PAFAH1B1: variants seen among roughly 807,000 people sequenced by gnomAD.
PAFAH1B1 encodes platelet activating factor acetylhydrolase 1b regulatory subunit 1, also known as platelet-activating factor acetylhydrolase IB subunit beta.
PAFAH1B1 carries 2 observed loss-of-function variants against 57.5 expected under a neutral mutation model. The ratio of observed to expected loss-of-function variants is 0.03; its 90% confidence interval spans 0.01 to 0.11. The LOEUF is 0.11. PAFAH1B1 is among the 10% of genes least tolerant of loss of function. The pLI is 1.00. For synonymous variants in PAFAH1B1, 152 were observed against 169.6 expected (o/e 0.90, Z 0.81); for missense variants, 257 against 512.0 (o/e 0.50, Z 4.81).
intron 1 of PAFAH1B1, among the ~76,000 whole-genome samples, chr17:2,633,788 T>G (rs867092): frequency 1.3e-4 from 19 of 151,692 alleles, no homozygotes; most frequent in African/African-American, 4.6e-4. Flanking sequence ...TTGAAATACT[T>G]TCTTGGCTTT....
chr17:2,648,246 G>A (rs569041856), intron 2 of PAFAH1B1, among the ~76,000 whole-genome samples: 2 of 152,238 alleles, frequency 1.3e-5, no homozygotes, highest in South Asian at 4.2e-4. Flanking sequence ...CCATGATCCA[G>A]TTACCTTCCA....
At chr17:2,597,401 G>GTT (rs2068094998) in intron 1 of PAFAH1B1, among the ~76,000 whole-genome samples, 2 of 90,168 alleles carry the variant, frequency 2.2e-5, no homozygotes, top group Admixed American at 1.1e-4. Context: ...GAACATCCGT[G>GTT]TCTTTTTTTT....
At chr17:2,647,384 A>T (rs2068783214) in intron 2 of PAFAH1B1, among the ~76,000 whole-genome samples, 1 of 151,126 alleles carries the variant, frequency 6.6e-6, no homozygotes, top group Admixed American at 6.6e-5. Context: ...AAATACAAAA[A>T]TTAGCTGGGC....
chr17:2,626,810 C>T (rs1174674257), intron 1 of PAFAH1B1, among the ~76,000 whole-genome samples: 1 of 152,088 alleles, frequency 6.6e-6, no homozygotes, highest in Non-Finnish European at 1.5e-5. Flanking sequence ...GCATCGACCT[C>T]CCAGAGTGCT....
rs1373296714 is a variant in PAFAH1B1, at chr17:2,683,340, TAACAG to T, written c.*1543_*1547del. 6.6e-6 allele frequency: 1 copy of T among 152,160 alleles called. No individual in the cohort carries two copies. Among genetic ancestry groups the T allele is most frequent in the African/African-American group, 2.4e-5 (1 of 41,446 alleles). The allele number at this position is 152,160 out of a possible 1,614,324, so 9.4% of individuals were successfully genotyped here. On this transcript the variant is annotated 3_prime_UTR_variant, in exon 11 of 11. Coordinates refer to ENST00000397195, the MANE Select transcript of PAFAH1B1 (RefSeq NM_000430.4). ...TTTCCAAGAGAGTTATTTGAAAAGT[TAACAG>T]AACAATGAGATAACAGTGACAGTTT...
At chr17:2,652,235 C>T (rs949426517) in intron 2 of PAFAH1B1, among the ~76,000 whole-genome samples, 3 of 151,708 alleles carry the variant, frequency 2.0e-5, no homozygotes, top group Non-Finnish European at 4.4e-5. Flanking sequence ...ACGGTGAAAC[C>T]CCGTCTCTAC....
At chr17:2,650,086 A>G (rs1177763594) in intron 2 of PAFAH1B1, among the ~76,000 whole-genome samples, 1 of 152,258 alleles carries the variant, frequency 6.6e-6, no homozygotes, top group Non-Finnish European at 1.5e-5. Context: ...TTCTGTGTGA[A>G]GAAAGGCCTC....
At chr17:2,677,343 T>C (rs2069286376) in intron 9 of PAFAH1B1, among the ~76,000 whole-genome samples, 1 of 152,178 alleles carries the variant, frequency 6.6e-6, no homozygotes, top group South Asian at 2.1e-4. Context: ...TGTATTTCCA[T>C]AGAAAGATAT....
intron 2 of PAFAH1B1, among the ~76,000 whole-genome samples, chr17:2,646,853 C>T (rs1224794742): frequency 3.3e-5 from 5 of 152,162 alleles, no homozygotes; most frequent in African/African-American, 1.2e-4. Context: ...GGACCATTTG[C>T]TTCCCAGATT....
chr17:2,660,825 A>G (rs2069004367), intron 2 of PAFAH1B1, among the ~76,000 whole-genome samples: 1 of 152,202 alleles, frequency 6.6e-6, no homozygotes, highest in Non-Finnish European at 1.5e-5. Flanking sequence ...AGGAATCACC[A>G]CACTATCTTC....
rs187507722 is a variant in PAFAH1B1, at chr17:2,671,803, A to C, written c.569-852A>C. ...TTTTTAGTAGAAACAGGGTTTAACCATATTGGCCAGGCTGGTCTTGAACTC... is the reference window on the plus strand; with the variant it reads ...TTTTTAGTAGAAACAGGGTTTAACCCTATTGGCCAGGCTGGTCTTGAACTC... On this transcript the variant is annotated intron_variant, in intron 6 of 10. Coordinates refer to ENST00000397195, the MANE Select transcript of PAFAH1B1 (RefSeq NM_000430.4). Among the ~76,000 whole-genome samples the C allele has an allele frequency of 4.2e-3, 630 of 151,590 alleles. 2 individuals are homozygous for C. The highest frequency in any genetic ancestry group is 0.012 in the South Asian group (58 of 4,806).
At chr17:2,611,982 GT>G (rs2068272802) in intron 1 of PAFAH1B1, among the ~76,000 whole-genome samples, 1 of 152,124 alleles carries the variant, frequency 6.6e-6, no homozygotes, top group Non-Finnish European at 1.5e-5. Flanking sequence ...AAGTTCTGCT[GT>G]TTATGCTAGC....
intron 1 of PAFAH1B1, among the ~76,000 whole-genome samples, chr17:2,628,784 C>A (rs1238978159): frequency 6.6e-6 from 1 of 152,082 alleles, no homozygotes; most frequent in Non-Finnish European, 1.5e-5. Context: ...TTGGTCTGTT[C>A]AGCGTATCTA....
At chr17:2,608,930 TC>T (rs1305229582) in intron 1 of PAFAH1B1, among the ~76,000 whole-genome samples, 4 of 152,258 alleles carry the variant, frequency 2.6e-5, no homozygotes, top group African/African-American at 9.6e-5. Context: ...TCTGTTTTCT[TC>T]CGTCTCTTCA....
rs1184724986 is a variant in PAFAH1B1, at chr17:2,604,994, A to G, written c.-191+10988A>G. Among the ~76,000 whole-genome samples the G allele has an allele frequency of 3.3e-5, 5 of 152,350 alleles. No homozygotes were observed. The South Asian group carries it at 1.0e-3, about 32-fold the overall frequency. On this transcript the variant is annotated intron_variant, in intron 1 of 10. Transcript: ENST00000397195. ...GATTGATAGAATTTGTATATTGTGT[A>G]GCTTGTAGGCAAGTTGGAAGTCATT...
In PAFAH1B1 at chr17:2,684,597, G is replaced by A. The variant is rs551747518; in HGVS notation, c.*2795G>A. The A allele has an allele frequency of 3.3e-5, 5 of 152,722 alleles. No individual in the cohort carries two copies. The highest frequency in any genetic ancestry group is 2.1e-4 in the South Asian group (1 of 4,828). The allele number at this position is 152,722 out of a possible 1,614,324, so 9.5% of individuals were successfully genotyped here. A position where few individuals can be genotyped will look rare whatever the true frequency, so the allele number is the denominator to read the frequency against. ...AACGTGCCCAAGAAATCCTAGCTGCGCTCTTGAGAGTGCATGCCATGGAGA... is the reference window on the plus strand; with the variant it reads ...AACGTGCCCAAGAAATCCTAGCTGCACTCTTGAGAGTGCATGCCATGGAGA... On this transcript the variant is annotated 3_prime_UTR_variant, in exon 11 of 11. Coordinates refer to ENST00000397195, the MANE Select transcript of PAFAH1B1 (RefSeq NM_000430.4).
intron 2 of PAFAH1B1, 139 bp from the exon 3 acceptor site, chr17:2,665,233 A>G (rs1401765632): frequency 1.5e-6 from 1 of 648,438 alleles, no homozygotes; most frequent in African/African-American, 1.8e-5. Flanking sequence ...TGTCCTTTTT[A>G]ATGAAATACT....
chr17:2,644,618 C>T (rs2068742879), intron 2 of PAFAH1B1, among the ~76,000 whole-genome samples: 1 of 152,192 alleles, frequency 6.6e-6, no homozygotes, highest in African/African-American at 2.4e-5. Context: ...TGTATTCAAC[C>T]AGTCTCCCGT....
At chr17:2,652,369 C>A (rs543220961) in intron 2 of PAFAH1B1, among the ~76,000 whole-genome samples, 31 of 152,282 alleles carry the variant, frequency 2.0e-4, no homozygotes, top group South Asian at 8.3e-4. Flanking sequence ...GAGCCAAGAT[C>A]GCGCCACTGC....
Sources: allele counts gnomAD v4.1 joint callset (sites outside exome capture counted in the v4.1 genomes callset), GRCh38; gene constraint gnomAD v4.1.1; transcripts MANE v1.5; gene names NCBI Gene and HGNC (gene_info 2026-07-23, HGNC 2026-07-21).